The following NF1 variants were observed in gnomAD, a reference collection of about 807,000 sequenced individuals.
NF1 encodes the protein neurofibromin 1.
A neutral mutation model predicts 325.7 loss-of-function variants in NF1; 122 were observed. The observed-to-expected ratio is 0.37, with a 90% CI of 0.32 to 0.44. NF1 has a LOEUF of 0.44. NF1 is among the 20% of genes least tolerant of loss of function. NF1 has a pLI of 1.00. For synonymous variants in NF1, 1,091 were observed against 1,186.0 expected, an observed-to-expected ratio of 0.92 and a Z score of 1.65; for missense variants, 2,140 against 3,415.4, an observed-to-expected ratio of 0.63 and a Z score of 9.31.
chr17:31,288,000 G>A (rs1567875732), intron 36 of NF1, among the ~76,000 whole-genome samples: 2 of 151,402 alleles, frequency 1.3e-5, no homozygotes, highest in Admixed American at 6.6e-5. Context: ...GTTAGTGGGT[G>A]CAGCACACCA....
intron 5 of NF1, among the ~76,000 whole-genome samples, chr17:31,172,964 A>G (rs1364703171): frequency 2.6e-5 from 4 of 152,084 alleles, no homozygotes; most frequent in Admixed American, 6.6e-5. Flanking sequence ...TAGGGTAAGG[A>G]TGGGGACCAG....
intron 36 of NF1, chr17:31,304,844 T>TA: frequency 6.2e-7 from 1 of 1,614,078 alleles, no homozygotes; most frequent in Non-Finnish European, 8.5e-7. Flanking sequence ...TCTCTGATGT[T>TA]ATCCATACAA....
chr17:31,294,804 G>T, intron 36 of NF1: 1 of 625,228 alleles, frequency 1.6e-6, no homozygotes. Context: ...ACTTAATTAA[G>T]ACAGTAAAAT....
chr17:31,151,417 A>C (rs1916932828), intron 1 of NF1, among the ~76,000 whole-genome samples: 1 of 152,222 alleles, frequency 6.6e-6, no homozygotes, highest in African/African-American at 2.4e-5. Context: ...TATTCTGGTC[A>C]TCTGAAGCAT....
In NF1 at chr17:31,235,735, A is replaced by G. The variant is rs2067188951; in HGVS notation, c.3833A>G (p.Asn1278Ser). 2 of 1,614,174 alleles carry G rather than the reference A, an allele frequency of 1.2e-6. No individual in the cohort carries two copies. Among genetic ancestry groups the G allele is most frequent in the Non-Finnish European group, 1.7e-6 (2 of 1,180,024 alleles). ...ADSMQTLFRG[N>S]SLASKIMTFC... ...TCCATGCAGACTCTCTTCCGAGGCA[A>G]CAGCTTGGCCAGTAAAATAATGACA... Residue 1278 changes from asparagine to serine, a missense_variant, in exon 28 of 58, where the codon AAC becomes AGC. Physicochemically the swap from Asn to Ser is conservative, Grantham distance 46 (BLOSUM62 1). This residue lies in a region of NF1 where 336 missense variants were observed against 399.0 expected (regional missense o/e 0.84). Transcript: ENST00000358273.
At position 31,376,932 on chromosome 17, in the gene NF1, C is replaced by A. The variant is rs185015732; in HGVS notation, c.*2777C>A. 4.7e-5 allele frequency: 11 copies of A among 233,150 alleles called. 1 individual carries two copies. Among genetic ancestry groups the A allele is most frequent in the Non-Finnish European group, 7.6e-5 (9 of 118,058 alleles). 14.4% of individuals were successfully genotyped at this position (233,150 alleles called of 1,614,324 possible). On this transcript the variant is annotated 3_prime_UTR_variant, in exon 58 of 58. Coordinates refer to ENST00000358273, the MANE Select transcript of NF1 (RefSeq NM_001042492.3). ...CACTCAACACCTGTTCATGACTGAG[C>A]CAGGTGCCCAGGACACATCCTAAAC...
chr17:31,200,411 G>A lies in NF1; in HGVS notation c.889-11G>A, dbSNP rs1361582007. On this transcript the variant is annotated splice_polypyrimidine_tract_variant and intron_variant, in intron 8 of 57. Transcript: ENST00000358273. ...CATATATTATCTTATCGCTATATTT[G>A]AATTCTGTAGAAGTTATTTCTGGAC... The A allele has an allele frequency of 3.7e-6, 6 of 1,613,498 alleles. No individual in the cohort carries two copies. The African/African-American group carries it at 8.0e-5, about 22-fold the overall frequency.
chr17:31,258,200 G>A, intron 31 of NF1, 144 bp from the exon 32 acceptor site: 1 of 812,854 alleles, frequency 1.2e-6, no homozygotes, highest in South Asian at 1.6e-5. Context: ...TCATGTTTTG[G>A]GAGAAGAAAA....
chr17:31,218,931 T>G, intron 13 of NF1, 74 bp from the exon 14 acceptor site: 1 of 1,418,780 alleles, frequency 7.0e-7, no homozygotes, highest in Non-Finnish European at 9.7e-7. Flanking sequence ...GCAGTCACTG[T>G]CTATTTCTTC....
chr17:31,227,369 C>G (rs1181251726), intron 19 of NF1, 78 bp downstream of exon 19: 2 of 1,508,582 alleles, frequency 1.3e-6, no homozygotes, highest in Non-Finnish European at 9.2e-7. Context: ...TATGTGTGAT[C>G]AGGAATAGCT....
At chr17:31,296,330 A>G (rs2068463788) in intron 36 of NF1, 5 of 1,614,036 alleles carry the variant, frequency 3.1e-6, no homozygotes, top group Non-Finnish European at 4.2e-6. Context: ...CTGATATTCC[A>G]TCAAAGCCTA....
At chr17:31,304,785 C>A in intron 36 of NF1, 1 of 1,614,016 alleles carries the variant, frequency 6.2e-7, no homozygotes, top group Non-Finnish European at 8.5e-7. Flanking sequence ...TGCTTGGTTT[C>A]CAGGGTGTAA....
At chr17:31,202,140 C>G (rs1295590936) in intron 11 of NF1, among the ~76,000 whole-genome samples, 1 of 152,196 alleles carries the variant, frequency 6.6e-6, no homozygotes, top group East Asian at 1.9e-4. Context: ...GACAGCAAAA[C>G]TATCAGATTT....
At chr17:31,304,471 A>T in intron 36 of NF1, 1 of 1,614,164 alleles carries the variant, frequency 6.2e-7, no homozygotes, top group Non-Finnish European at 8.5e-7. Context: ...GTCTTGATTG[A>T]GACAGTCCAG....
chr17:31,259,124 A>C lies in NF1; in HGVS notation c.4425A>C (p.Ala1475=). 1 of 1,597,506 alleles carries C rather than the reference A, an allele frequency of 6.3e-7. No individual in the cohort carries two copies. Among genetic ancestry groups the C allele is most frequent in the South Asian group, 1.1e-5 (1 of 89,386 alleles). Residue 1475 remains alanine, a synonymous_variant, in exon 33 of 58, where the codon GCA becomes GCC. Transcript: ENST00000358273. ...NDFVKSNFDA[A]RRFFLDIASD... ...TTGTGAAAAGCAACTTTGATGCAGC[A>C]CGCAGGTAATTTTCTTGCCACTTAC...
chr17:31,232,963 G>A (rs2151435137), intron 26 of NF1, 39 bp from the exon 27 acceptor site: 1 of 1,613,488 alleles, frequency 6.2e-7, no homozygotes, highest in East Asian at 2.2e-5. Context: ...ACTTCAGCAA[G>A]GCCATGTTAG....
chr17:31,145,139 C>A (rs1209596568), intron 1 of NF1, among the ~76,000 whole-genome samples: 1 of 152,186 alleles, frequency 6.6e-6, no homozygotes, highest in Non-Finnish European at 1.5e-5. Context: ...ATTTTACTTG[C>A]AACTACTGCC....
intron 5 of NF1, among the ~76,000 whole-genome samples, chr17:31,172,383 C>G (rs2065944629): frequency 7.7e-6 from 1 of 129,400 alleles, no homozygotes; most frequent in African/African-American, 2.6e-5. Flanking sequence ...TTCTCTCTTT[C>G]TCTCGATATA....
At chr17:31,169,746 A>G (rs556995425) in intron 4 of NF1, 145 bp from the exon 5 acceptor site, 16 of 607,794 alleles carry the variant, frequency 2.6e-5, no homozygotes, top group East Asian at 1.8e-4. Context: ...ATGTCTTGCT[A>G]TGTTGCCCAG....
Sources: allele counts gnomAD v4.1 joint callset (sites outside exome capture counted in the v4.1 genomes callset), GRCh38; gene constraint gnomAD v4.1.1; regional missense constraint gnomAD v4.1.1; transcripts MANE v1.5; gene names NCBI Gene and HGNC (gene_info 2026-07-23, HGNC 2026-07-21).